MATK: variants seen among roughly 807,000 people sequenced by gnomAD.
MATK encodes the protein megakaryocyte-associated tyrosine kinase, also known as megakaryocyte-associated tyrosine-protein kinase.
MATK carries 41 observed loss-of-function variants against 59.8 expected under a neutral mutation model. The observed-to-expected ratio is 0.69, with a 90% CI of 0.53 to 0.89. The LOEUF (loss-of-function observed/expected upper bound fraction) is 0.89. MATK is among the 40% of genes least tolerant of loss of function. The pLI, the probability that MATK is intolerant of heterozygous loss-of-function variation, is 0.00. For synonymous variants in MATK, 308 were observed against 306.1 expected (o/e 1.01, Z -0.06); for missense variants, 593 against 719.6 (o/e 0.82, Z 2.01).
At chr19:3,786,740 G>C (rs541271363), upstream of MATK, among the ~76,000 whole-genome samples, 1 of 152,082 alleles carries the variant, frequency 6.6e-6, no homozygotes, top group Non-Finnish European at 1.5e-5. The surrounding 1 kb of genome is among the most constrained non-coding windows in gnomAD (Gnocchi z 4.1). Flanking sequence ...GAGGGCTATT[G>C]GTGGTTGACA....
upstream of MATK, among the ~76,000 whole-genome samples, chr19:3,791,349 C>G (rs563513100): frequency 1.0e-4 from 15 of 149,918 alleles, no homozygotes; most frequent in African/African-American, 2.2e-4. Context: ...CACCTCCCCC[C>G]ACTTTTTTTT....
At chr19:3,800,594 C>T (rs188297800) in intron 1 of MATK, among the ~76,000 whole-genome samples, 5 of 151,766 alleles carry the variant, frequency 3.3e-5, no homozygotes, top group African/African-American at 7.3e-5. Flanking sequence ...TGTGGTGAGC[C>T]GAGATTGCGC....
upstream of MATK, among the ~76,000 whole-genome samples, chr19:3,789,106 G>C (rs2037516807): frequency 6.6e-6 from 1 of 152,180 alleles, no homozygotes; most frequent in Non-Finnish European, 1.5e-5. Flanking sequence ...CTGTGGGATA[G>C]TCTGGGGTGT....
At chr19:3,797,367 G>T (rs1264752862) in intron 1 of MATK, among the ~76,000 whole-genome samples, 2 of 150,466 alleles carry the variant, frequency 1.3e-5, no homozygotes, top group Non-Finnish European at 2.9e-5. Flanking sequence ...TGCAATCACA[G>T]CCCACTGCAG....
chr19:3,795,185 G>T lies in MATK; in HGVS notation c.-57-5781C>A, dbSNP rs770707579. On this transcript the variant is annotated intron_variant, in intron 1 of 13. Transcript: ENST00000395045. ...GTAGAGAAGGGATTTCATCGTGTTA[G>T]CCAGGATGGTCTCGATCTCCTGACC... Among the ~76,000 whole-genome samples, 91 of 151,080 alleles carry T rather than the reference G, an allele frequency of 6.0e-4. No homozygotes were observed. In the Middle Eastern group the frequency reaches 0.025, roughly 41 times the overall value.
chr19:3,792,545 GCT>G (rs1223601452), intron 1 of MATK, among the ~76,000 whole-genome samples: 6 of 117,776 alleles, frequency 5.1e-5, no homozygotes, highest in African/African-American at 2.0e-4. Flanking sequence ...ATGGAGTCTC[GCT>G]CTGTCACCCA....
chr19:3,784,317 C>T (rs942846986), intron 4 of MATK, 21 bp downstream of exon 4: 6 of 1,591,914 alleles, frequency 3.8e-6, no homozygotes, highest in Non-Finnish European at 4.3e-6. Flanking sequence ...CAAGCACCCA[C>T]ACCCGCCGGC....
chr19:3,794,248 G>C (rs550413242), intron 1 of MATK, among the ~76,000 whole-genome samples: 1 of 152,110 alleles, frequency 6.6e-6, no homozygotes, highest in African/African-American at 2.4e-5. Context: ...TGCTTCCCAC[G>C]ACAGAATATA....
intron 1 of MATK, among the ~76,000 whole-genome samples, chr19:3,798,813 G>GTT (rs921384399): frequency 6.9e-6 from 1 of 144,048 alleles, no homozygotes; most frequent in Non-Finnish European, 1.5e-5. Context: ...TGCCCGGCCT[G>GTT]TTTTTTTTTT....
intron 1 of MATK, 28 bp from the exon 2 acceptor site, chr19:3,785,314 GA>G (rs2037466603): frequency 7.2e-7 from 1 of 1,380,672 alleles, no homozygotes; most frequent in Non-Finnish European, 9.6e-7. Flanking sequence ...GCAGGGTGGG[GA>G]AATAGGGATG....
rs1175043901 is a variant in MATK, at chr19:3,781,731, G to C, written c.677-59C>G. 5 of 1,352,168 alleles carry C rather than the reference G, an allele frequency of 3.7e-6. No homozygotes were observed. The Admixed American group carries it at 6.7e-5, about 18-fold the overall frequency. 83.8% of individuals were successfully genotyped at this position (1,352,168 alleles called of 1,614,324 possible). ...GGCCCCCTAAATCCTCCCATTGGGG[G>C]TTCTACTTGGTGAGAGACTAGGTGA... On this transcript the variant is annotated intron_variant, in intron 7 of 13. Transcript: ENST00000310132.
At chr19:3,789,624 C>G (rs1275537685), upstream of MATK, among the ~76,000 whole-genome samples, 2 of 151,458 alleles carry the variant, frequency 1.3e-5, no homozygotes, top group Non-Finnish European at 2.9e-5. Flanking sequence ...GTGCCTGACT[C>G]TAGGGGGATA....
rs2037439177 is a variant in MATK, at chr19:3,783,939, G to C, written c.457C>G (p.Pro153Ala). ...LFLVRESARH[P>A]GDYVLCVSFG... ...CTCACGCACAGGACGTAGTCGCCGG[G>C]GTGGCGCGCGGACTCCCGCACCAGG... The change falls in exon 6 of 14, where the codon CCC becomes GCC. Residue 153 changes from proline (P) to alanine (A), a missense_variant. Pro to Ala is a conservative substitution (Grantham distance 27). Coordinates refer to ENST00000310132, the MANE Select transcript of MATK (RefSeq NM_139355.3). 1.9e-6 allele frequency: 3 copies of C among 1,612,628 alleles called. No homozygotes were observed. The highest frequency in any genetic ancestry group is 2.5e-6 in the Non-Finnish European group (3 of 1,179,792).
intron 1 of MATK, among the ~76,000 whole-genome samples, chr19:3,796,733 G>T (rs1181547506): frequency 6.6e-6 from 1 of 151,990 alleles, no homozygotes; most frequent in African/African-American, 2.4e-5. Context: ...TTGGGTGTGG[G>T]TCTCCCTGTT....
rs1232963465 is a variant in MATK, at chr19:3,777,989, T to C, written c.*194A>G. The C allele has an allele frequency of 1.4e-5, 10 of 700,280 alleles. No individual in the cohort carries two copies. The highest frequency in any genetic ancestry group is 2.2e-5 in the Non-Finnish European group (10 of 457,746). 43.4% of individuals were successfully genotyped at this position (700,280 alleles called of 1,614,324 possible). ...GCGCCTAGAGTCCTTAGAATCCGTC[T>C]TTATCGGGCGATCATCCTTCGCAGG... On this transcript the variant is annotated 3_prime_UTR_variant, in exon 14 of 14. Transcript: ENST00000310132.
rs1223902853 is a variant in MATK at position 3,779,805 on chromosome 19, G to A, written c.743-8C>T. The A allele has an allele frequency of 3.8e-6, 6 of 1,568,386 alleles. No individual in the cohort carries two copies. Among genetic ancestry groups the A allele is most frequent in the African/African-American group, 1.3e-5 (1 of 74,112 alleles). ...ACTCACCCTGCAGGACAGCTGGGGG[G>A]TGGGGGTGGGGAACGGGGTGAGATC... On this transcript the variant is annotated splice_polypyrimidine_tract_variant and splice_region_variant and intron_variant, in intron 8 of 13. Coordinates refer to ENST00000310132, the MANE Select transcript of MATK (RefSeq NM_139355.3).
intron 1 of MATK, among the ~76,000 whole-genome samples, chr19:3,792,913 A>AAGCCGTCCCCGGCCT (rs1160075778): frequency 1.1e-4 from 16 of 152,186 alleles, no homozygotes; most frequent in Admixed American, 6.5e-5. Context: ...GCCTCCATGG[A>AAGCCGTCCCCGGCCT]AGCCGTCCCC....
intron 1 of MATK, among the ~76,000 whole-genome samples, chr19:3,792,917 C>T (rs1424525781): frequency 6.6e-6 from 1 of 152,236 alleles, no homozygotes; most frequent in Non-Finnish European, 1.5e-5. Context: ...CCATGGAAGC[C>T]GTCCCCGGCC....
chr19:3,778,394 T>G lies in MATK; in HGVS notation c.1313A>C (p.Glu438Ala). The change falls in exon 14 of 14, where the codon GAG (glutamate) becomes GCG (alanine). Residue 438 changes from glutamate (E) to alanine (A), a missense_variant. Transcript: ENST00000310132. ...GGGGGGTTCCATGCGGTACCCCTTC[T>G]CCACGGCCTCCGACACCTCTTTCAG... ...MSLKEVSEAVEKGYRMEPPEG... is the reference protein window; with the variant it reads ...MSLKEVSEAVAKGYRMEPPEG... 6.2e-7 allele frequency: 1 copy of G among 1,612,240 alleles called. No individual in the cohort carries two copies. The highest frequency in any genetic ancestry group is 8.5e-7 in the Non-Finnish European group (1 of 1,179,542).
Sources: allele counts gnomAD v4.1 joint callset (sites outside exome capture counted in the v4.1 genomes callset), GRCh38; gene constraint gnomAD v4.1.1; non-coding constraint Gnocchi (gnomAD v3.1); transcripts MANE v1.5; gene names NCBI Gene and HGNC (gene_info 2026-07-23, HGNC 2026-07-21).